Variants in CERS2 observed in about 807,000 individuals in gnomAD.
CERS2 encodes the protein ceramide synthase 2, also known as LAG1 homolog, ceramide synthase 2.
CERS2 carries 20 observed loss-of-function variants against 56.6 expected under a neutral mutation model. That is an observed-to-expected ratio of 0.35 (90% confidence interval 0.25 to 0.51). The LOEUF is 0.51. Among genes scored for constraint, CERS2 ranks in the 20% least tolerant of loss-of-function variants. CERS2 has a pLI of 0.96. For missense variants in CERS2, 361 were observed against 488.6 expected (o/e 0.74, Z 2.46); for synonymous variants, 187 against 175.4 (o/e 1.07, Z -0.52).
At chr1:150,967,605 C>T (rs985058601) in intron 6 of CERS2, 59 bp downstream of exon 6, 3 of 1,513,058 alleles carry the variant, frequency 2.0e-6, no homozygotes, top group Non-Finnish European at 1.8e-6. Context: ...ATTCCACAAA[C>T]CGTCTCTTCA....
intron 2 of CERS2, 68 bp downstream of exon 2, chr1:150,968,850 C>T: frequency 6.8e-7 from 1 of 1,476,666 alleles, no homozygotes; most frequent in Non-Finnish European, 9.3e-7. Context: ...CAGCAAGGAA[C>T]AAACTTGAAG....
chr1:150,967,374 C>T lies in CERS2; in HGVS notation c.612+18G>A. ...TCATTTTGGCTCTGAGGCTTAATTG[C>T]ACAACCCCTTCACCCACCTTTCGCT... On this transcript the variant is annotated intron_variant, in intron 7 of 10. Coordinates refer to ENST00000368954, the MANE Select transcript of CERS2 (RefSeq NM_022075.5). 2.6e-6 allele frequency: 4 copies of T among 1,549,828 alleles called. No individual in the cohort carries two copies. The highest frequency in any genetic ancestry group is 3.6e-6 in the Non-Finnish European group (4 of 1,121,476).
Position 150,966,287 on chromosome 1 carries a change from A to G in CERS2, c.1004T>C (p.Leu335Pro). 6.2e-7 allele frequency: 1 copy of G among 1,612,170 alleles called. No homozygotes were observed. Among genetic ancestry groups the G allele is most frequent in the Non-Finnish European group, 8.5e-7 (1 of 1,179,482 alleles). The change falls in exon 11 of 11, where the codon CTG (leucine) becomes CCG (proline). Residue 335 changes from leucine (L) to proline (P), a missense_variant and splice_region_variant. By Grantham distance (98) the Leu-to-Pro change is moderately conservative. This residue lies in a region of CERS2 where 122 missense variants were observed against 151.9 expected (regional missense o/e 0.80). Coordinates refer to ENST00000368954, the MANE Select transcript of CERS2 (RefSeq NM_022075.5). The part of the protein sequence containing the change: ...RMAHKFITGK[L>P]VEDERSDREE... Reference sequence around the variant, plus strand: ...CCGGTCACTGCGTTCATCTTCTACCAGCTGTGGAAAAGGGACAAGAAGGGT... The same window carrying G: ...CCGGTCACTGCGTTCATCTTCTACCGGCTGTGGAAAAGGGACAAGAAGGGT...
chr1:150,968,800 A>G (rs1671101851), intron 2 of CERS2, 118 bp downstream of exon 2: 3 of 1,018,036 alleles, frequency 2.9e-6, no homozygotes, highest in Non-Finnish European at 4.4e-6. Flanking sequence ...GTGGGCAGGA[A>G]CCTGAGTAGC....
Position 150,966,482 on chromosome 1 carries a change from A to C in CERS2, c.996T>G (p.Thr332=), listed in dbSNP as rs775499785. ...LILRMAHKFI[T]GKLVEDERSD... ...AATGGGAACAGGGCTTCACCTTTCC[A>C]GTTATGAACTTGTGGGCCATGCGCA... The change falls in exon 10 of 11, where the codon ACT becomes ACG. Residue 332 remains threonine (T), a synonymous_variant. Coordinates refer to ENST00000368954, the MANE Select transcript of CERS2 (RefSeq NM_022075.5). 5.6e-6 allele frequency: 9 copies of C among 1,614,170 alleles called. No homozygotes were observed. Among genetic ancestry groups the C allele is most frequent in the Non-Finnish European group, 5.9e-6 (7 of 1,180,022 alleles).
Position 150,967,848 on chromosome 1 carries a change from A to G in CERS2, c.440T>C (p.Phe147Ser), listed in dbSNP as rs1441324302. Reference protein sequence around the residue: ...SWRFTFYLIAFIAGMAVIVDK... With the variant: ...SWRFTFYLIASIAGMAVIVDK... ...CACAATGACGGCCATGCCGGCAATG[A>G]AGGCAATCAGGTAAAATGTGAATCT... Residue 147 changes from phenylalanine to serine, a missense_variant, in exon 5 of 11, where the codon TTC becomes TCC. By Grantham distance (155) the Phe-to-Ser change is radical. Around this residue, in one of 3 missense-constraint regions of CERS2, gnomAD observed 236 missense variants for 309.2 expected, o/e 0.76. Transcript: ENST00000368954. The G allele has an allele frequency of 6.2e-7, 1 of 1,613,954 alleles. No homozygotes were observed. Among genetic ancestry groups the G allele is most frequent in the African/African-American group, 1.3e-5 (1 of 75,054 alleles).
Position 150,968,195 on chromosome 1 carries a change from C to T in CERS2, c.298G>A (p.Val100Ile), listed in dbSNP as rs926080852. ...CCGCTCTGCCGGGACAAAAGCTCTA[C>T]TTCCACCTGGGCACAGTGAAGAAGC... ...TSGKQPKQVE[V>I]ELLSRQSGLS... Residue 100 changes from valine to isoleucine, a missense_variant, in exon 4 of 11, where the codon GTA (valine) becomes ATA (isoleucine). Around this residue, in one of 3 missense-constraint regions of CERS2, gnomAD observed 236 missense variants for 309.2 expected, o/e 0.76. Transcript: ENST00000368954. 4 of 1,609,206 alleles carry T rather than the reference C, an allele frequency of 2.5e-6. No individual in the cohort carries two copies. The highest frequency in any genetic ancestry group is 1.7e-5 in the Admixed American group (1 of 59,992).
rs1385304607 is a variant in CERS2, at chr1:150,968,198, C to G, written c.295G>C (p.Glu99Gln). 1 of 1,609,062 alleles carries G rather than the reference C, an allele frequency of 6.2e-7. No homozygotes were observed. Among genetic ancestry groups the G allele is most frequent in the Non-Finnish European group, 8.5e-7 (1 of 1,179,876 alleles). Reference protein sequence around the residue: ...LTSGKQPKQVEVELLSRQSGL... With the variant: ...LTSGKQPKQVQVELLSRQSGL... The stretch of plus-strand genomic sequence containing the variant: ...CTCTGCCGGGACAAAAGCTCTACTT[C>G]CACCTGGGCACAGTGAAGAAGCCCA... Residue 99 changes from glutamate (E) to glutamine (Q), a missense_variant, in exon 4 of 11, where the codon GAA becomes CAA. By Grantham distance (29) the Glu-to-Gln change is conservative. This residue lies in a region of CERS2 where 236 missense variants were observed against 309.2 expected (regional missense o/e 0.76). Coordinates refer to ENST00000368954, the MANE Select transcript of CERS2 (RefSeq NM_022075.5).
chr1:150,965,966 G>T lies in CERS2; in HGVS notation c.*182C>A. On this transcript the variant is annotated 3_prime_UTR_variant, in exon 11 of 11. Transcript: ENST00000368954. ...GAATATAACCAACGTCCCCCTACCT[G>T]GGGATAGGCTGGTTAGAATTTGGTT... The T allele has an allele frequency of 3.3e-6, 2 of 604,546 alleles. No homozygotes were observed. Among genetic ancestry groups the T allele is most frequent in the Non-Finnish European group, 5.6e-6 (2 of 358,488 alleles). 37.4% of individuals were successfully genotyped at this position (604,546 alleles called of 1,614,324 possible). A position where few individuals can be genotyped will look rare whatever the true frequency, so the allele number is the denominator to read the frequency against.
chr1:150,969,137 G>C (rs1040146009), intron 1 of CERS2, 46 bp from the exon 2 acceptor site: 21 of 1,564,312 alleles, frequency 1.3e-5, no homozygotes, highest in South Asian at 2.2e-5. Context: ...AGTAGCTATG[G>C]AGGAAGAGAT....
chr1:150,968,451 G>C lies in CERS2; in HGVS notation c.235C>G (p.Pro79Ala). 6.2e-7 allele frequency: 1 copy of C among 1,614,184 alleles called. No individual in the cohort carries two copies. Among genetic ancestry groups the C allele is most frequent in the Non-Finnish European group, 8.5e-7 (1 of 1,180,030 alleles). Residue 79 changes from proline to alanine, a missense_variant, in exon 3 of 11, where the codon CCT (proline) becomes GCT (alanine). Physicochemically the swap from Pro to Ala is conservative, Grantham distance 27. Coordinates refer to ENST00000368954, the MANE Select transcript of CERS2 (RefSeq NM_022075.5). ...NIKEKTRLRAPPNATLEHFYL... is the reference protein window; with the variant it reads ...NIKEKTRLRAAPNATLEHFYL... ...AAATGTTCCAAGGTGGCGTTGGGAGGTGCCCGCAGCCGAGTTTTCTCCTTT... is the reference window on the plus strand; with the variant it reads ...AAATGTTCCAAGGTGGCGTTGGGAGCTGCCCGCAGCCGAGTTTTCTCCTTT...
chr1:150,968,504 G>A lies in CERS2; in HGVS notation c.182C>T (p.Ala61Val), dbSNP rs1381231498. Residue 61 changes from alanine (A) to valine (V), a missense_variant, in exon 3 of 11, where the codon GCT becomes GTT. This residue lies in a region of CERS2 where 236 missense variants were observed against 309.2 expected (regional missense o/e 0.76). Coordinates refer to ENST00000368954, the MANE Select transcript of CERS2 (RefSeq NM_022075.5). ...IVRYFFELYV[A>V]TPLAALLNIK... Reference sequence around the variant, plus strand: ...GTTCAAGAGGGCAGCCAGTGGTGTAGCCACGTACCTGGGGAAGGGATATGA... The same window carrying A: ...GTTCAAGAGGGCAGCCAGTGGTGTAACCACGTACCTGGGGAAGGGATATGA... 6.2e-7 allele frequency: 1 copy of A among 1,613,092 alleles called. No homozygotes were observed. The highest frequency in any genetic ancestry group is 8.5e-7 in the Non-Finnish European group (1 of 1,179,026).
chr1:150,968,788 C>T (rs1344554680), intron 2 of CERS2, 130 bp downstream of exon 2: 2 of 888,790 alleles, frequency 2.3e-6, no homozygotes, highest in African/African-American at 1.7e-5. Flanking sequence ...AGGGGGTGCA[C>T]AGTGGGCAGG....
Position 150,968,160 on chromosome 1 carries a change from G to T in CERS2, c.333C>A (p.Gly111=), listed in dbSNP as rs1365820364. 1.9e-6 allele frequency: 3 copies of T among 1,609,330 alleles called. No homozygotes were observed. Among genetic ancestry groups the T allele is most frequent in the African/African-American group, 2.7e-5 (2 of 74,926 alleles). The part of the protein sequence containing the change: ...ELLSRQSGLS[G]RQVERWFRRR... ...GACGGAACCAACGCTCTACCTGGCG[G>T]CCAGAGAGCCCGCTCTGCCGGGACA... The change falls in exon 4 of 11, where the codon GGC becomes GGA. Residue 111 remains glycine (G), a synonymous_variant. Coordinates refer to ENST00000368954, the MANE Select transcript of CERS2 (RefSeq NM_022075.5).
In CERS2 at chr1:150,966,294, G is replaced by A; in HGVS notation, c.1003-6C>T. 1.2e-6 allele frequency: 2 copies of A among 1,612,118 alleles called. No homozygotes were observed. The highest frequency in any genetic ancestry group is 1.7e-6 in the Non-Finnish European group (2 of 1,179,466). On this transcript the variant is annotated splice_polypyrimidine_tract_variant and splice_region_variant and intron_variant, in intron 10 of 10. Transcript: ENST00000368954. ...CTGCGTTCATCTTCTACCAGCTGTGGAAAAGGGACAAGAAGGGTTATTACA... is the reference window on the plus strand; with the variant it reads ...CTGCGTTCATCTTCTACCAGCTGTGAAAAAGGGACAAGAAGGGTTATTACA...
At position 150,968,353 on chromosome 1, in the gene CERS2, A is replaced by T. The variant is rs774868784; in HGVS notation, c.291+42T>A. The T allele has an allele frequency of 3.2e-6, 5 of 1,553,360 alleles. No individual in the cohort carries two copies. In the East Asian group the frequency reaches 1.1e-4, roughly 35 times the overall value. ...TTCAAACCCTGTCCCCCCACCACCA[A>T]ACTCAGTGATTCCCAGAGCCAGAGC... On this transcript the variant is annotated intron_variant, in intron 3 of 10. Coordinates refer to ENST00000368954, the MANE Select transcript of CERS2 (RefSeq NM_022075.5).
chr1:150,967,050 T>C, intron 8 of CERS2, 24 bp downstream of exon 8: 1 of 1,613,372 alleles, frequency 6.2e-7, no homozygotes, highest in Non-Finnish European at 8.5e-7. Context: ...TGCACCAGGG[T>C]CTCTAGATTT....
chr1:150,968,824 T>G (rs1333511036), intron 2 of CERS2, 94 bp downstream of exon 2: 4 of 1,249,374 alleles, frequency 3.2e-6, no homozygotes, highest in Non-Finnish European at 4.6e-6. Context: ...AACATCAGGG[T>G]CAAGGGCTAA....
chr1:150,968,368 A>T (rs1485342318), intron 3 of CERS2, 27 bp downstream of exon 3: 3 of 1,577,908 alleles, frequency 1.9e-6, no homozygotes, highest in Admixed American at 1.7e-5. Context: ...AGTGATTCCC[A>T]GAGCCAGAGC....
Sources: allele counts gnomAD v4.1 joint callset, GRCh38; gene constraint gnomAD v4.1.1; regional missense constraint gnomAD v4.1.1; transcripts MANE v1.5; gene names NCBI Gene and HGNC (gene_info 2026-07-23, HGNC 2026-07-21).